NDRG4: variants seen among roughly 807,000 people sequenced by gnomAD.
The protein encoded by NDRG4 is protein NDRG4.
A neutral mutation model predicts 55.8 loss-of-function variants in NDRG4; 38 were observed. That is an observed-to-expected ratio of 0.68 (90% CI 0.53 to 0.89). The LOEUF is 0.89. Among genes scored for constraint, NDRG4 ranks in the 40% least tolerant of loss-of-function variants. The pLI, the probability that NDRG4 is intolerant of heterozygous loss-of-function variation, is 0.00. For missense variants in NDRG4, 455 were observed against 468.6 expected (o/e 0.97, Z 0.27); for synonymous variants, 190 against 182.7 (o/e 1.04, Z -0.32).
upstream of NDRG4, chr16:58,495,633 A>G (rs2036304444): frequency 6.5e-6 from 1 of 152,834 alleles, no homozygotes; most frequent in African/African-American, 2.4e-5. Flanking sequence ...GCCCCGTGAC[A>G]GCACCAGCCA....
chr16:58,500,745 T>A (rs1357108804), intron 1 of NDRG4: 1 of 417,318 alleles, frequency 2.4e-6, no homozygotes, highest in Admixed American at 4.1e-5. Flanking sequence ...GCGTGCCGGG[T>A]CTGTGCGTGC....
At chr16:58,490,345 G>A (rs533532298) in intron 2 of NDRG4, among the ~76,000 whole-genome samples, 57 of 152,218 alleles carry the variant, frequency 3.7e-4, no homozygotes, top group Non-Finnish European at 4.0e-4. Context: ...GGAGAACTAG[G>A]GCATCTTGGC....
At chr16:58,488,723 A>G (rs2035424733) in intron 2 of NDRG4, among the ~76,000 whole-genome samples, 1 of 152,164 alleles carries the variant, frequency 6.6e-6, no homozygotes, top group Non-Finnish European at 1.5e-5. Flanking sequence ...GCAGCCAGCC[A>G]GGGATCCAGG....
rs1489636020 is a variant in NDRG4 at position 58,500,215 on chromosome 16, T to C, written c.-34T>C. 6.5e-7 allele frequency: 1 copy of C among 1,535,980 alleles called. No individual in the cohort carries two copies. Among genetic ancestry groups the C allele is most frequent in the Non-Finnish European group, 8.7e-7 (1 of 1,146,868 alleles). On this transcript the variant is annotated 5_prime_UTR_variant, in exon 1 of 15. Transcript: ENST00000570248. ...GAGTGACTCAGGCCTTTGTTTGTCCTTCCTGGTAGAGGCGGGTTCCCTCCC... is the reference window on the plus strand; with the variant it reads ...GAGTGACTCAGGCCTTTGTTTGTCCCTCCTGGTAGAGGCGGGTTCCCTCCC...
At chr16:58,515,354 G>A (rs1567372998), downstream of NDRG4, 5 of 629,860 alleles carry the variant, frequency 7.9e-6, no homozygotes, top group Non-Finnish European at 1.0e-5. Context: ...GCGCGTGAGT[G>A]CAATTGGAGA....
At chr16:58,489,498 T>C (rs1816589375) in intron 2 of NDRG4, among the ~76,000 whole-genome samples, 1 of 151,854 alleles carries the variant, frequency 6.6e-6, no homozygotes, top group African/African-American at 2.4e-5. Context: ...CCTTGTTTTA[T>C]TCAGGCCTCT....
At chr16:58,501,749 T>C in intron 1 of NDRG4, 1 of 317,818 alleles carries the variant, frequency 3.1e-6, no homozygotes, top group Non-Finnish European at 6.4e-6. Context: ...TAGAGCCTGA[T>C]CACGTCACCT....
chr16:58,492,220 G>C (rs1423699555), intron 2 of NDRG4, among the ~76,000 whole-genome samples: 1 of 152,122 alleles, frequency 6.6e-6, no homozygotes, highest in Non-Finnish European at 1.5e-5. Context: ...GGAGACTCCA[G>C]TGCCTGGCCT....
intron 13 of NDRG4, among the ~76,000 whole-genome samples, chr16:58,510,349 GGCA>G (rs2038640573): frequency 6.6e-6 from 1 of 152,226 alleles, no homozygotes; most frequent in Non-Finnish European, 1.5e-5. Flanking sequence ...GCACAGAGCG[GGCA>G]GGCCTCCCCC....
intron 1 of NDRG4, among the ~76,000 whole-genome samples, chr16:58,475,825 C>G (rs1350540072): frequency 6.6e-6 from 1 of 151,166 alleles, no homozygotes; most frequent in Non-Finnish European, 1.5e-5. Context: ...CAGACAGAGT[C>G]TCACTCTGTT....
chr16:58,475,553 C>T (rs1014901908), intron 1 of NDRG4: 11 of 453,012 alleles, frequency 2.4e-5, no homozygotes, highest in South Asian at 1.2e-4. Context: ...CTGTGTGTAA[C>T]AGAAAACCCA....
chr16:58,511,581 C>T lies in NDRG4; in HGVS notation c.*5C>T, dbSNP rs766603881. The T allele has an allele frequency of 3.7e-6, 6 of 1,613,078 alleles. No individual in the cohort carries two copies. Among genetic ancestry groups the T allele is most frequent in the Non-Finnish European group, 5.1e-6 (6 of 1,179,956 alleles). ...ACCATGGAGGTGTCCTGTTGAAGCC[C>T]TTGATCCCGCTGACGACGCCCACGT... On this transcript the variant is annotated 3_prime_UTR_variant, in exon 15 of 15. Coordinates refer to ENST00000570248, the MANE Select transcript of NDRG4 (RefSeq NM_001242835.2).
intron 2 of NDRG4, among the ~76,000 whole-genome samples, chr16:58,494,580 C>CT (rs1199174941): frequency 1.3e-5 from 2 of 152,326 alleles, no homozygotes; most frequent in East Asian, 3.9e-4. Flanking sequence ...TCCACACCTC[C>CT]TTAATGAGGA....
chr16:58,470,316 A>G (rs1163164109), intron 1 of NDRG4, among the ~76,000 whole-genome samples: 1 of 152,230 alleles, frequency 6.6e-6, no homozygotes, highest in African/African-American at 2.4e-5. Flanking sequence ...GTGGACAGAG[A>G]GGAAAAGGCC....
chr16:58,476,736 G>A (rs1350772518), intron 1 of NDRG4, among the ~76,000 whole-genome samples: 1 of 152,168 alleles, frequency 6.6e-6, no homozygotes, highest in Non-Finnish European at 1.5e-5. Context: ...AAAACTCCAT[G>A]ATAGAGAGAT....
rs755450175 is a variant in NDRG4, at chr16:58,506,982, C to A, written c.587C>A (p.Ala196Asp). The change falls in exon 8 of 15, where the codon GCC becomes GAC. Residue 196 changes from alanine (A) to aspartate (D), a missense_variant. Coordinates refer to ENST00000570248, the MANE Select transcript of NDRG4 (RefSeq NM_001242835.2). ...RQQIGNVVNQ[A>D]NLQLFWNMYN... ...CAGATTGGGAACGTGGTGAACCAGG[C>A]CAACCTGCAGCTCTTCTGGAACATG... The A allele has an allele frequency of 1.2e-6, 2 of 1,613,990 alleles. No individual in the cohort carries two copies. The highest frequency in any genetic ancestry group is 1.7e-6 in the Non-Finnish European group (2 of 1,179,956).
intron 1 of NDRG4, among the ~76,000 whole-genome samples, chr16:58,467,327 T>G (rs2031884331): frequency 6.6e-6 from 1 of 152,138 alleles, no homozygotes; most frequent in African/African-American, 2.4e-5. Context: ...GCCAACGTGG[T>G]GAAACCCCCA....
At chr16:58,510,574 C>T (rs938976406) in intron 13 of NDRG4, 71 bp from the exon 14 acceptor site, 43 of 1,331,846 alleles carry the variant, frequency 3.2e-5, no homozygotes, top group African/African-American at 2.3e-4. Flanking sequence ...CTTGACTCAG[C>T]GGACCACGCT....
chr16:58,487,675 G>A (rs1056221616), intron 1 of NDRG4: 6 of 1,185,520 alleles, frequency 5.1e-6, no homozygotes, highest in African/African-American at 4.6e-5. Flanking sequence ...CCGCGCTCCC[G>A]CCCCAGCCCC....
Sources: gnomAD v4.1 joint callset for allele counts (sites outside exome capture counted in the v4.1 genomes callset) on GRCh38, gnomAD v4.1.1 for gene constraint, MANE v1.5 for transcripts, NCBI Gene and HGNC (gene_info 2026-07-23, HGNC 2026-07-21) for gene names.